The following SYTL3 variants were observed in gnomAD, a reference collection of about 807,000 sequenced individuals.
SYTL3 encodes synaptotagmin like 3.
In SYTL3, 88 loss-of-function variants were observed where a neutral mutation model predicts 82.1. That is an observed-to-expected ratio of 1.07 (90% CI 0.90 to 1.28). SYTL3 has a LOEUF of 1.28. SYTL3 is among the 50% of genes most tolerant of loss of function. The pLI is 0.00. For synonymous variants in SYTL3, 311 were observed against 289.4 expected (o/e 1.07, Z -0.76); for missense variants, 831 against 757.6 (o/e 1.10, Z -1.14).
chr6:158,753,338 C>A (rs1219956020), intron 13 of SYTL3, among the ~76,000 whole-genome samples: 1 of 152,046 alleles, frequency 6.6e-6, no homozygotes, highest in Non-Finnish European at 1.5e-5. Flanking sequence ...CCACCCCGGC[C>A]TCCCAAATGC....
At chr6:158,720,954 G>T (rs552622641) in intron 10 of SYTL3, among the ~76,000 whole-genome samples, 2 of 152,318 alleles carry the variant, frequency 1.3e-5, no homozygotes, top group East Asian at 3.9e-4. Flanking sequence ...AGGATGGCCC[G>T]TGGGTCCTCG....
At chr6:158,682,826 G>C in intron 5 of SYTL3, 99 bp from the exon 6 acceptor site, 1 of 829,482 alleles carries the variant, frequency 1.2e-6, no homozygotes, top group Non-Finnish European at 2.0e-6. Context: ...TCCATTGCAA[G>C]ACTAATATTT....
chr6:158,724,317 AG>A (rs1322815346), intron 10 of SYTL3, among the ~76,000 whole-genome samples: 1 of 152,254 alleles, frequency 6.6e-6, no homozygotes, highest in Non-Finnish European at 1.5e-5. Flanking sequence ...GGGGATGGAA[AG>A]CATAAATAAT....
chr6:158,713,737 C>G (rs1783027525), intron 8 of SYTL3, 63 bp from the exon 9 acceptor site: 15 of 1,278,572 alleles, frequency 1.2e-5, no homozygotes, highest in Non-Finnish European at 1.7e-5. Context: ...AGCCTGGACA[C>G]TGCTGAGGCA....
chr6:158,697,118 A>G (rs1164875435), intron 6 of SYTL3, among the ~76,000 whole-genome samples: 1 of 151,728 alleles, frequency 6.6e-6, no homozygotes, highest in East Asian at 1.9e-4. Context: ...TCAAATACCT[A>G]AAGATAAGAG....
At chr6:158,689,056 C>A (rs1779583744) in intron 6 of SYTL3, among the ~76,000 whole-genome samples, 1 of 152,186 alleles carries the variant, frequency 6.6e-6, no homozygotes, top group Non-Finnish European at 1.5e-5. Flanking sequence ...AATGTGTCAT[C>A]ATTTGTTTAA....
chr6:158,654,952 A>G (rs1326595868), intron 2 of SYTL3, among the ~76,000 whole-genome samples: 1 of 152,196 alleles, frequency 6.6e-6, no homozygotes, highest in Non-Finnish European at 1.5e-5. Context: ...GACAGGCACC[A>G]TTACAAAAAT....
At chr6:158,665,748 CT>C in intron 5 of SYTL3, 135 bp downstream of exon 5, 1 of 595,558 alleles carries the variant, frequency 1.7e-6, no homozygotes, top group Non-Finnish European at 2.9e-6. Flanking sequence ...TGATAGGGAG[CT>C]ACCTTTCTAG....
intron 11 of SYTL3, among the ~76,000 whole-genome samples, chr6:158,740,324 T>C (rs1786774068): frequency 6.6e-6 from 1 of 152,186 alleles, no homozygotes; most frequent in Admixed American, 6.6e-5. Context: ...TGATTAATTA[T>C]TATAAATTCT....
intron 6 of SYTL3, among the ~76,000 whole-genome samples, chr6:158,700,778 G>A (rs9457440): frequency 0.42 from 63,318 of 151,954 alleles, 14,274 homozygotes; most frequent in Non-Finnish European, 0.53. Context: ...CACCACGGCC[G>A]GCTAATTTTT....
upstream of SYTL3, among the ~76,000 whole-genome samples, chr6:158,648,824 G>A (rs1200332875): frequency 2.6e-5 from 4 of 152,166 alleles, no homozygotes; most frequent in East Asian, 7.7e-4. Context: ...GGAATTTAAT[G>A]TTGTAAAGGA....
At chr6:158,725,841 T>C in intron 11 of SYTL3, 1 of 733,174 alleles carries the variant, frequency 1.4e-6, no homozygotes, top group Non-Finnish European at 2.4e-6. Context: ...GCCTGTGTCT[T>C]GGAGTTACTC....
chr6:158,764,697 ACC>A lies in SYTL3; in HGVS notation c.*96_*97del. The A allele has an allele frequency of 1.2e-6, 1 of 845,350 alleles. No individual in the cohort carries two copies. 52.4% of individuals were successfully genotyped at this position (845,350 alleles called of 1,614,324 possible). Reference sequence around the variant, plus strand: ...ACCAGGTGCAGGGTCCCAGCTGGAGACCCCTTTGACCTTGAGCAGTCTCCATC... The same window carrying A: ...ACCAGGTGCAGGGTCCCAGCTGGAGACCTTTGACCTTGAGCAGTCTCCATC... On this transcript the variant is annotated 3_prime_UTR_variant, in exon 18 of 18. Transcript: ENST00000611299.
At chr6:158,733,284 A>G (rs1410587124) in intron 11 of SYTL3, among the ~76,000 whole-genome samples, 2 of 152,106 alleles carry the variant, frequency 1.3e-5, no homozygotes, top group African/African-American at 4.8e-5. Context: ...GTCCTTTCAC[A>G]AGCAACTTTC....
chr6:158,700,760 G>GCA (rs1347840319), intron 6 of SYTL3, among the ~76,000 whole-genome samples: 1 of 152,184 alleles, frequency 6.6e-6, no homozygotes, highest in African/African-American at 2.4e-5. Flanking sequence ...GGGACTACAG[G>GCA]TGCCCGCCAC....
chr6:158,678,680 A>G (rs1373192106), intron 5 of SYTL3, among the ~76,000 whole-genome samples: 1 of 152,216 alleles, frequency 6.6e-6, no homozygotes, highest in East Asian at 1.9e-4. Context: ...CCATCTAGGC[A>G]TCCAGTGCTT....
intron 5 of SYTL3, among the ~76,000 whole-genome samples, chr6:158,669,609 C>G (rs951702972): frequency 6.6e-6 from 1 of 152,210 alleles, no homozygotes; most frequent in African/African-American, 2.4e-5. Flanking sequence ...TCCTGAATTG[C>G]TCAAATTTGT....
chr6:158,751,020 T>A (rs1788320025), intron 12 of SYTL3, among the ~76,000 whole-genome samples: 2 of 152,196 alleles, frequency 1.3e-5, no homozygotes, highest in African/African-American at 2.4e-5. Flanking sequence ...GGTCTGGAAC[T>A]CCTGACCTCA....
intron 6 of SYTL3, among the ~76,000 whole-genome samples, chr6:158,689,232 T>C (rs1779603224): frequency 6.6e-6 from 1 of 152,142 alleles, no homozygotes; most frequent in Non-Finnish European, 1.5e-5. Flanking sequence ...AGGTTAGGAA[T>C]GTTGCCTCCT....
Sources: allele counts gnomAD v4.1 joint callset (sites outside exome capture counted in the v4.1 genomes callset), GRCh38; gene constraint gnomAD v4.1.1; transcripts MANE v1.5; gene names NCBI Gene and HGNC (gene_info 2026-07-23, HGNC 2026-07-21).